The following SLC35F4 variants were observed in gnomAD, a reference collection of about 807,000 sequenced individuals.
SLC35F4 encodes the protein chromosome 14 open reading frame 36.
In SLC35F4, 24 loss-of-function variants were observed where a neutral mutation model predicts 44.2. That is an observed-to-expected ratio of 0.54 (90% confidence interval 0.39 to 0.76). The LOEUF (loss-of-function observed/expected upper bound fraction) is 0.76, where lower values mean the gene tolerates loss of function less well. Among genes scored for constraint, SLC35F4 ranks in the 30% least tolerant of loss-of-function variants. The pLI is 0.00. For synonymous variants in SLC35F4, 238 were observed against 223.6 expected (o/e 1.06, Z -0.57); for missense variants, 562 against 586.1 (o/e 0.96, Z 0.42).
At chr14:57,906,192 G>T (rs1021838728) in intron 1 of SLC35F4, among the ~76,000 whole-genome samples, 3 of 152,164 alleles carry the variant, frequency 2.0e-5, no homozygotes, top group Non-Finnish European at 4.4e-5. Context: ...AGAGAGTGCA[G>T]AAATAATAAA....
At chr14:57,606,427 C>A (rs946578667) in intron 1 of SLC35F4, among the ~76,000 whole-genome samples, 1 of 152,150 alleles carries the variant, frequency 6.6e-6, no homozygotes, top group Non-Finnish European at 1.5e-5. Context: ...CTCAAATAAG[C>A]AACTGATTTT....
chr14:57,879,163 C>A (rs555424302), intron 1 of SLC35F4, among the ~76,000 whole-genome samples: 1 of 152,244 alleles, frequency 6.6e-6, no homozygotes, highest in Non-Finnish European at 1.5e-5. Context: ...GTAGGAACTG[C>A]CAAATCTTAT....
At chr14:57,958,271 G>C (rs1445144145) in intron 1 of SLC35F4, among the ~76,000 whole-genome samples, 1 of 152,030 alleles carries the variant, frequency 6.6e-6, no homozygotes, top group Non-Finnish European at 1.5e-5. Context: ...TGTTAGCTGG[G>C]ATGGTCTCAA....
intron 1 of SLC35F4, among the ~76,000 whole-genome samples, chr14:57,674,223 G>A (rs1266245298): frequency 6.6e-6 from 1 of 152,016 alleles, no homozygotes; most frequent in Non-Finnish European, 1.5e-5. Flanking sequence ...TCAAATATTG[G>A]CAAAGTTATA....
At chr14:57,683,062 TC>T (rs1455747938) in intron 1 of SLC35F4, among the ~76,000 whole-genome samples, 8 of 147,662 alleles carry the variant, frequency 5.4e-5, no homozygotes, top group Admixed American at 3.3e-4. Context: ...AAAATTAATC[TC>T]AAGTATTTTT....
At chr14:57,874,633 C>A (rs547073109) in intron 1 of SLC35F4, among the ~76,000 whole-genome samples, 1 of 152,198 alleles carries the variant, frequency 6.6e-6, no homozygotes, top group African/African-American at 2.4e-5. Context: ...AGTGGATCAT[C>A]TTTCCCCTGA....
chr14:57,777,932 GA>G (rs1298744600), intron 1 of SLC35F4, among the ~76,000 whole-genome samples: 1 of 152,054 alleles, frequency 6.6e-6, no homozygotes, highest in African/African-American at 2.4e-5. Context: ...ATGGGGAACA[GA>G]AAAAAGTAAG....
intron 1 of SLC35F4, among the ~76,000 whole-genome samples, chr14:57,900,814 TAAAC>T (rs1266220244): frequency 2.0e-5 from 3 of 151,868 alleles, no homozygotes; most frequent in African/African-American, 7.2e-5. Flanking sequence ...ACAAGGAACT[TAAAC>T]AAATTTACAA....
intron 1 of SLC35F4, among the ~76,000 whole-genome samples, chr14:57,662,661 C>T (rs1274566500): frequency 6.6e-6 from 1 of 152,132 alleles, no homozygotes; most frequent in African/African-American, 2.4e-5. Context: ...CCAAAATAAA[C>T]CTCTACCATT....
intron 1 of SLC35F4, among the ~76,000 whole-genome samples, chr14:57,980,795 C>T (rs574229711): frequency 1.2e-3 from 180 of 152,298 alleles, no homozygotes; most frequent in Middle Eastern, 3.4e-3. Flanking sequence ...TAATTGAGTT[C>T]TATAGACAAC....
intron 1 of SLC35F4, among the ~76,000 whole-genome samples, chr14:57,879,633 G>A (rs894534677): frequency 6.6e-6 from 1 of 152,008 alleles, no homozygotes; most frequent in Admixed American, 6.6e-5. Context: ...ATATTTCCCT[G>A]CCAGGAGAAT....
intron 1 of SLC35F4, among the ~76,000 whole-genome samples, chr14:57,693,705 C>T (rs749679219): frequency 6.6e-6 from 1 of 152,178 alleles, no homozygotes; most frequent in Non-Finnish European, 1.5e-5. Context: ...CCTGATTTCC[C>T]ACTCCACACC....
intron 1 of SLC35F4, among the ~76,000 whole-genome samples, chr14:57,730,484 G>C (rs1435081748): frequency 6.6e-6 from 1 of 151,900 alleles, no homozygotes; most frequent in African/African-American, 2.4e-5. Flanking sequence ...CTCACTGGCT[G>C]TCTACTATGT....
intron 1 of SLC35F4, among the ~76,000 whole-genome samples, chr14:57,902,771 G>T (rs770059581): frequency 6.6e-6 from 1 of 152,174 alleles, no homozygotes; most frequent in Non-Finnish European, 1.5e-5. Context: ...ATAGACTGCT[G>T]TAATCCCCTA....
Position 57,581,349 on chromosome 14 carries a change from A to C in SLC35F4, c.672T>G (p.Thr224=). ...CCAGTAAATAAAGGTAATTAGTCAA[A>C]GTCCATAGAATAGAAAAGGGAGCAG... ...KRTAPFSILW[T]LTNYLYLLAL... is the part of the protein sequence containing the mutation. Residue 224 remains threonine, a synonymous_variant, in exon 4 of 8, where the codon ACT becomes ACG. Transcript: ENST00000556826. 6.2e-7 allele frequency: 1 copy of C among 1,613,572 alleles called. No homozygotes were observed. The highest frequency in any genetic ancestry group is 8.5e-7 in the Non-Finnish European group (1 of 1,179,740).
At chr14:57,716,838 C>G (rs941604668) in intron 1 of SLC35F4, among the ~76,000 whole-genome samples, 1 of 152,154 alleles carries the variant, frequency 6.6e-6, no homozygotes, top group Non-Finnish European at 1.5e-5. Context: ...TCCTATCTAG[C>G]TAAAATTTCT....
At chr14:57,757,743 G>T (rs2077028112) in intron 1 of SLC35F4, among the ~76,000 whole-genome samples, 1 of 151,882 alleles carries the variant, frequency 6.6e-6, no homozygotes, top group South Asian at 2.1e-4. Flanking sequence ...CTATACTGTT[G>T]TTTTTGCTGT....
chr14:57,794,459 A>C (rs2078005752), intron 1 of SLC35F4, among the ~76,000 whole-genome samples: 1 of 152,144 alleles, frequency 6.6e-6, no homozygotes, highest in South Asian at 2.1e-4. Flanking sequence ...AACATCACTA[A>C]TCATCAGGGA....
intron 1 of SLC35F4, among the ~76,000 whole-genome samples, chr14:57,873,837 C>T (rs1888342255): frequency 6.6e-6 from 1 of 152,108 alleles, no homozygotes; most frequent in East Asian, 1.9e-4. Flanking sequence ...GAGTGTGCCG[C>T]CTGCCTGCAC....
Sources: gnomAD v4.1 joint callset for allele counts (sites outside exome capture counted in the v4.1 genomes callset) on GRCh38, gnomAD v4.1.1 for gene constraint, MANE v1.5 for transcripts, NCBI Gene and HGNC (gene_info 2026-07-23, HGNC 2026-07-21) for gene names.